Variants in EIF2S3 observed in about 807,000 individuals in gnomAD.
The protein encoded by EIF2S3 is eukaryotic translation initiation factor 2 subunit 3.
Under a neutral mutation model 31.7 loss-of-function variants are expected in EIF2S3, and 2 were observed. The ratio of observed to expected loss-of-function variants is 0.06; its 90% CI spans 0.03 to 0.20. The LOEUF (loss-of-function observed/expected upper bound fraction) is 0.20. EIF2S3 is among the 10% of genes least tolerant of loss of function. The pLI, the probability that EIF2S3 is intolerant of heterozygous loss-of-function variation, is 1.00. For missense variants in EIF2S3, 96 were observed against 359.3 expected (o/e 0.27, Z 5.92); for synonymous variants, 120 against 126.7 (o/e 0.95, Z 0.36).
chrX:24,055,566 A>G (rs113645105), intron 1 of EIF2S3, 49 bp from the exon 2 acceptor site: 2 of 1,157,068 alleles, frequency 1.7e-6, no homozygotes, highest in African/African-American at 3.5e-5. Flanking sequence ...TCAAAGGAAA[A>G]GTTCTCATTT....
At chrX:24,062,952 C>T (rs1417298172) in intron 6 of EIF2S3, among the ~76,000 whole-genome samples, 1 of 110,806 alleles carries the variant, frequency 9.0e-6, no homozygotes, top group East Asian at 2.8e-4. Context: ...TATTTAATCT[C>T]TAGAGTGTCG....
At chrX:24,064,604 G>A (rs1234119534) in intron 7 of EIF2S3, among the ~76,000 whole-genome samples, 1 of 112,178 alleles carries the variant, frequency 8.9e-6, no homozygotes, top group Admixed American at 9.5e-5. Context: ...GAGGTGGGTG[G>A]ATCACCTGAG....
chrX:24,060,092 G>A lies in EIF2S3; in HGVS notation c.388G>A (p.Val130Ile). 1 of 1,202,709 alleles carries A rather than the reference G, an allele frequency of 8.3e-7. No homozygotes were observed. The highest frequency in any genetic ancestry group is 2.2e-5 in the Admixed American group (1 of 45,959). ...TTGTTATTTCTCAATCATTAGACAT[G>A]TTTCCTTTGTTGACTGTCCTGGCCA... is the stretch of plus-strand genomic sequence containing the variant. ...TKGNFKLVRHVSFVDCPGHDI... is the reference protein window; with the variant it reads ...TKGNFKLVRHISFVDCPGHDI... The change falls in exon 5 of 12, where the codon GTT (valine) becomes ATT (isoleucine). Residue 130 changes from valine to isoleucine, a missense_variant. Val to Ile is a conservative substitution (Grantham distance 29). This residue lies in a region of EIF2S3 where 22 missense variants were observed against 34.5 expected (regional missense o/e 0.64). Coordinates refer to ENST00000253039, the MANE Select transcript of EIF2S3 (RefSeq NM_001415.4).
chrX:24,072,594 T>A (rs1278620126), intron 10 of EIF2S3, among the ~76,000 whole-genome samples: 1 of 111,792 alleles, frequency 8.9e-6, no homozygotes, highest in African/African-American at 3.2e-5. Flanking sequence ...TCATGATTTT[T>A]AAAAAATGTC....
intron 9 of EIF2S3, 149 bp downstream of exon 9, chrX:24,068,257 T>C: frequency 1.9e-6 from 1 of 519,111 alleles, no homozygotes; most frequent in East Asian, 3.9e-5. Flanking sequence ...GGTTAAGCTC[T>C]TGTTTTAGGT....
intron 1 of EIF2S3, 25 bp downstream of exon 1, chrX:24,055,062 C>T (rs1930379688): frequency 8.3e-7 from 1 of 1,205,236 alleles, no homozygotes; most frequent in Non-Finnish European, 1.1e-6. Flanking sequence ...GGGGAGGATG[C>T]AGAGTGAGCT....
rs772508324 is a variant in EIF2S3 at position 24,057,771 on chromosome X, T to A, written c.383+17T>A. ...ATTAGTCAGGTGACCTCTCTTTTGCTACAAACACTACACTTTATATTTTAT... is the reference window on the plus strand; with the variant it reads ...ATTAGTCAGGTGACCTCTCTTTTGCAACAAACACTACACTTTATATTTTAT... On this transcript the variant is annotated intron_variant, in intron 4 of 11. Transcript: ENST00000253039. 2.5e-6 allele frequency: 3 copies of A among 1,194,948 alleles called. No homozygotes were observed. The highest frequency in any genetic ancestry group is 3.4e-6 in the Non-Finnish European group (3 of 888,719).
intron 10 of EIF2S3, 89 bp from the exon 11 acceptor site, chrX:24,073,002 T>C (rs757994051): frequency 3.2e-5 from 32 of 992,159 alleles, no homozygotes; most frequent in Non-Finnish European, 4.2e-5. Context: ...ATTGACATAT[T>C]TCCCAATAGT....
At chrX:24,072,946 A>T in intron 10 of EIF2S3, 145 bp from the exon 11 acceptor site, 1 of 661,354 alleles carries the variant, frequency 1.5e-6, no homozygotes, top group Non-Finnish European at 2.2e-6. Flanking sequence ...TACTATATAT[A>T]GTTCAAATTC....
rs758813480 is a variant in EIF2S3, at chrX:24,074,862, C to CTTTTT, written c.1355+1616_1355+1620dup. 2.2e-3 allele frequency among the ~76,000 whole-genome samples: 105 copies of CTTTTT among 47,453 alleles called. 17 individuals carry two copies. The highest frequency in any genetic ancestry group is 7.0e-3 in the African/African-American group (73 of 10,433). 41.2% of individuals were successfully genotyped at this position (47,453 alleles called of 115,157 possible). On this transcript the variant is annotated intron_variant, in intron 11 of 11. Coordinates refer to ENST00000253039, the MANE Select transcript of EIF2S3 (RefSeq NM_001415.4). ...GTACTCATCATTTTTTTTTCTTCTT[C>CTTTTT]TTTTTTTTTTTTTTTTTTTTTGAGA...
chrX:24,059,740 A>G (rs773154192), intron 4 of EIF2S3, among the ~76,000 whole-genome samples: 1 of 112,141 alleles, frequency 8.9e-6, no homozygotes, highest in Non-Finnish European at 1.9e-5. Context: ...TGTTTTTTCA[A>G]ATTCTCATTC....
At chrX:24,062,093 C>T (rs73626806) in intron 5 of EIF2S3, among the ~76,000 whole-genome samples, 1,328 of 110,470 alleles carry the variant, frequency 0.012, 22 homozygotes, top group African/African-American at 0.042. Flanking sequence ...TTTTTTGGGG[C>T]GGGGAGTGGG....
Position 24,055,748 on chromosome X carries a change from A to G in EIF2S3, c.133+70A>G, listed in dbSNP as rs780098097. ...TTTTAACCTCACTTTTTGTGTGATT[A>G]CTTGAATAGTATGAGGATTCAGATA... is the stretch of plus-strand genomic sequence containing the variant. On this transcript the variant is annotated intron_variant, in intron 2 of 11. Transcript: ENST00000253039. The G allele has an allele frequency of 1.1e-4, 107 of 982,545 alleles. No individual in the cohort carries two copies. In the African/African-American group the frequency reaches 1.6e-3, roughly 15 times the overall value. The allele number at this position is 982,545 out of a possible 1,213,427, so 81.0% of individuals were successfully genotyped here. A position where few individuals can be genotyped will look rare whatever the true frequency, so the allele number is the denominator to read the frequency against.
At chrX:24,072,956 C>T (rs761840947) in intron 10 of EIF2S3, 135 bp from the exon 11 acceptor site, 4 of 724,954 alleles carry the variant, frequency 5.5e-6, no homozygotes, top group Admixed American at 7.8e-5. Context: ...AGTTCAAATT[C>T]CTTTACAATG....
At chrX:24,061,574 A>G (rs1417401789) in intron 5 of EIF2S3, among the ~76,000 whole-genome samples, 2 of 108,086 alleles carry the variant, frequency 1.9e-5, no homozygotes, top group Admixed American at 2.0e-4. Flanking sequence ...CAAAAAAAAA[A>G]TTTTTTTTTT....
Position 24,060,077 on chromosome X carries a change from T to C in EIF2S3, c.384-11T>C. On this transcript the variant is annotated splice_polypyrimidine_tract_variant and intron_variant, in intron 4 of 11. Coordinates refer to ENST00000253039, the MANE Select transcript of EIF2S3 (RefSeq NM_001415.4). The stretch of plus-strand genomic sequence containing the variant: ...TTATGTTAAGGCTGATTGTTATTTC[T>C]CAATCATTAGACATGTTTCCTTTGT... The C allele has an allele frequency of 8.5e-7, 1 of 1,173,720 alleles. No homozygotes were observed. Among genetic ancestry groups the C allele is most frequent in the Non-Finnish European group, 1.2e-6 (1 of 861,413 alleles).
intron 11 of EIF2S3, among the ~76,000 whole-genome samples, chrX:24,074,866 T>TTTTTTTTTTTTTTTTTTTTTTTTTTTTG (rs1475487032): frequency 1.4e-5 from 1 of 73,198 alleles, no homozygotes; most frequent in Non-Finnish European, 2.6e-5. Flanking sequence ...CTTCTTCTTT[T>TTTTTTTTTTTTTTTTTTTTTTTTTTTTG]TTTTTTTTTT....
At chrX:24,070,209 T>A (rs1930644973) in intron 9 of EIF2S3, among the ~76,000 whole-genome samples, 1 of 105,678 alleles carries the variant, frequency 9.5e-6, no homozygotes, top group African/African-American at 3.4e-5. Flanking sequence ...AAAAAAAAAT[T>A]TAGTCAGGTG....
intron 6 of EIF2S3, 73 bp downstream of exon 6, chrX:24,062,647 A>T: frequency 9.3e-7 from 1 of 1,075,005 alleles, no homozygotes; most frequent in Non-Finnish European, 1.3e-6. Context: ...CAGATGTTAA[A>T]TTAACTTTTA....
Sources: allele counts gnomAD v4.1 joint callset (sites outside exome capture counted in the v4.1 genomes callset), GRCh38; gene constraint gnomAD v4.1.1; regional missense constraint gnomAD v4.1.1; transcripts MANE v1.5; gene names NCBI Gene and HGNC (gene_info 2026-07-23, HGNC 2026-07-21).